TCF7: variants seen among roughly 807,000 people sequenced by gnomAD.
TCF7 encodes transcription factor 7.
Under a neutral mutation model 46.8 loss-of-function variants are expected in TCF7, and 19 were observed. The ratio of observed to expected loss-of-function variants is 0.41; its 90% CI spans 0.28 to 0.60. The LOEUF (loss-of-function observed/expected upper bound fraction) is 0.60. Ranked by LOEUF, TCF7 falls within the 20% of genes least tolerant of loss-of-function variation. The pLI is 0.35. For missense variants in TCF7, 547 were observed against 504.6 expected (o/e 1.08, Z -0.81); for synonymous variants, 245 against 213.4 (o/e 1.15, Z -1.29).
intron 9 of TCF7, 155 bp from the exon 10 acceptor site, chr5:134,146,069 A>G (rs1580911295): frequency 4.4e-6 from 7 of 1,576,316 alleles, no homozygotes; most frequent in Non-Finnish European, 6.0e-6. Flanking sequence ...CAGACCAAGC[A>G]GAATGGCAGT....
intron 4 of TCF7, 52 bp from the exon 5 acceptor site, chr5:134,138,899 T>TA (rs1759301226): frequency 6.2e-7 from 1 of 1,607,262 alleles, no homozygotes; most frequent in African/African-American, 1.3e-5. Flanking sequence ...TAACTGCTGA[T>TA]ATGGCCTGCC....
intron 3 of TCF7, among the ~76,000 whole-genome samples, chr5:134,124,115 T>C (rs1216304108): frequency 6.6e-6 from 1 of 151,830 alleles, no homozygotes; most frequent in Non-Finnish European, 1.5e-5. Context: ...TCAGCCAGGG[T>C]GTGGAGAGCA....
rs537130090 is a variant in TCF7 at position 134,121,546 on chromosome 5, G to A, written c.441+5513G>A. 7.5e-5 allele frequency among the ~76,000 whole-genome samples: 11 copies of A among 146,946 alleles called. No individual in the cohort carries two copies. The East Asian group carries it at 1.0e-3, about 13-fold the overall frequency. The stretch of plus-strand genomic sequence containing the variant: ...GGAGGTTGCAGTGAACCAAGATTGC[G>A]CCACTGCACTCCAGCCTGGGCAACA... On this transcript the variant is annotated intron_variant, in intron 3 of 9. Coordinates refer to ENST00000342854, the MANE Select transcript of TCF7 (RefSeq NM_003202.5).
At position 134,145,097 on chromosome 5, in the gene TCF7, T is replaced by C. The variant is rs17167300; in HGVS notation, c.1076-1127T>C. The stretch of plus-strand genomic sequence containing the variant: ...GGATTGGAGAGAAAGACACAGAATG[T>C]TCCAGAAAGGAAGGACAGACTCAAG... On this transcript the variant is annotated intron_variant, in intron 9 of 9. Transcript: ENST00000342854. The C allele has an allele frequency of 4.6e-3, 2,941 of 641,712 alleles. 51 individuals carry two copies. Among genetic ancestry groups the C allele is most frequent in the African/African-American group, 0.045 (2,507 of 55,784 alleles). The allele number at this position is 641,712 out of a possible 1,614,324, so 39.8% of individuals were successfully genotyped here.
At chr5:134,123,759 A>C (rs1269425215) in intron 3 of TCF7, 1 of 456,328 alleles carries the variant, frequency 2.2e-6, no homozygotes, top group South Asian at 1.5e-5. Flanking sequence ...GCATCATGGT[A>C]GGGCAAGGCG....
intron 6 of TCF7, 51 bp downstream of exon 6, chr5:134,142,355 G>A (rs1475762217): frequency 7.1e-7 from 1 of 1,405,234 alleles, no homozygotes; most frequent in South Asian, 1.3e-5. Flanking sequence ...GGATACACAT[G>A]CCTCCCCACC....
chr5:134,145,273 C>T (rs893731317), intron 9 of TCF7: 1 of 542,260 alleles, frequency 1.8e-6, no homozygotes, highest in African/African-American at 1.9e-5. Context: ...GGATCCCTGC[C>T]TGTACCATCC....
chr5:134,112,859 C>G (rs1305493199), upstream of TCF7, among the ~76,000 whole-genome samples: 1 of 152,200 alleles, frequency 6.6e-6, no homozygotes, highest in African/African-American at 2.4e-5. Context: ...CTGGAGAACA[C>G]TTCAGCCTCC....
chr5:134,115,996 C>T lies in TCF7; in HGVS notation c.404C>T (p.Ser135Leu), dbSNP rs776949305. Residue 135 changes from serine to leucine, a missense_variant, in exon 3 of 10, where the codon TCG becomes TTG. By Grantham distance (145) the Ser-to-Leu change is moderately radical. Transcript: ENST00000342854. ...FNLLMHYPPP[S>L]GAGQHPQPQP... is the part of the protein sequence containing the mutation. ...CTGCTCATGCATTACCCACCCCCCT[C>T]GGGAGCAGGGCAGCACCCCCAGCCG... 5 of 1,613,482 alleles carry T rather than the reference C, an allele frequency of 3.1e-6. No homozygotes were observed. Among genetic ancestry groups the T allele is most frequent in the Admixed American group, 3.3e-5 (2 of 59,996 alleles).
intron 5 of TCF7, 170 bp downstream of exon 5, chr5:134,139,208 T>C: frequency 9.7e-7 from 1 of 1,033,346 alleles, no homozygotes; most frequent in Non-Finnish European, 1.4e-6. Context: ...GAGCTAGGGG[T>C]CCTCATGTAC....
Position 134,114,852 on chromosome 5 carries a change from C to T in TCF7, c.-55C>T, listed in dbSNP as rs1215874997. Reference sequence around the variant, plus strand: ...GGCTCGCCGCCCCCCGGGCCGGCTCCGCGCCCCGCACTCCCGGCGCCCAGC... The same window carrying T: ...GGCTCGCCGCCCCCCGGGCCGGCTCTGCGCCCCGCACTCCCGGCGCCCAGC... On this transcript the variant is annotated 5_prime_UTR_variant, in exon 1 of 10. Coordinates refer to ENST00000342854, the MANE Select transcript of TCF7 (RefSeq NM_003202.5). 2.9e-5 allele frequency: 28 copies of T among 982,422 alleles called. No homozygotes were observed. The highest frequency in any genetic ancestry group is 1.2e-6 in the Non-Finnish European group (1 of 829,528). The allele number at this position is 982,422 out of a possible 1,614,324, so 60.9% of individuals were successfully genotyped here.
At chr5:134,109,007 A>T in the TCF7 span, among the ~76,000 whole-genome samples, 2 of 152,196 alleles carry the variant, frequency 1.3e-5, no homozygotes, top group Non-Finnish European at 2.9e-5. Context: ...AGGGTTTCTG[A>T]ACCCCTGGCT....
At chr5:134,116,074 C>A (rs746162063) in intron 3 of TCF7, 41 bp downstream of exon 3, 21 of 1,579,530 alleles carry the variant, frequency 1.3e-5, no homozygotes, top group Non-Finnish European at 1.7e-5. Flanking sequence ...GTGCTTGCAG[C>A]CTCCTTGACC....
chr5:134,111,411 G>A (rs532905236), upstream of TCF7, among the ~76,000 whole-genome samples: 45 of 152,146 alleles, frequency 3.0e-4, no homozygotes, highest in African/African-American at 1.0e-3. Flanking sequence ...GAAACTCCCC[G>A]GTCACCTCCA....
intron 3 of TCF7, among the ~76,000 whole-genome samples, chr5:134,118,596 A>AT (rs796641584): frequency 5.3e-4 from 78 of 146,602 alleles, no homozygotes; most frequent in South Asian, 1.3e-3. Flanking sequence ...CACGGGACAC[A>AT]TTTTTTTTTT....
chr5:134,116,691 A>G (rs1226507756), intron 3 of TCF7, among the ~76,000 whole-genome samples: 2 of 152,274 alleles, frequency 1.3e-5, no homozygotes, highest in Non-Finnish European at 2.9e-5. Context: ...TGAATTAAAT[A>G]TTTTTAAGTC....
At position 134,116,048 on chromosome 5, in the gene TCF7, C is replaced by T; in HGVS notation, c.441+15C>T. The T allele has an allele frequency of 6.2e-7, 1 of 1,607,500 alleles. No homozygotes were observed. The highest frequency in any genetic ancestry group is 8.5e-7 in the Non-Finnish European group (1 of 1,177,014). ...AGCCCCCGCTGGTAAGTGGACCCCG[C>T]AGCCAGTGCCGCCCTGTGCTTGCAG... On this transcript the variant is annotated intron_variant, in intron 3 of 9. Transcript: ENST00000342854.
chr5:134,121,440 C>T (rs1187314769), intron 3 of TCF7, among the ~76,000 whole-genome samples: 3 of 151,930 alleles, frequency 2.0e-5, no homozygotes, highest in Non-Finnish European at 2.9e-5. Context: ...AAAAATTAGC[C>T]GGGCATGGTG....
chr5:134,116,975 G>T (rs1349166876), intron 3 of TCF7, among the ~76,000 whole-genome samples: 1 of 152,224 alleles, frequency 6.6e-6, no homozygotes, highest in Non-Finnish European at 1.5e-5. Context: ...CTACAGTGGG[G>T]TCACCAGAGG....
Sources: allele counts gnomAD v4.1 joint callset (sites outside exome capture counted in the v4.1 genomes callset), GRCh38; gene constraint gnomAD v4.1.1; transcripts MANE v1.5; gene names NCBI Gene and HGNC (gene_info 2026-07-23, HGNC 2026-07-21).